Variants in TTC27 observed in about 807,000 individuals in gnomAD.
TTC27 encodes tetratricopeptide repeat domain 27, also known as tetratricopeptide repeat protein 27.
TTC27 carries 79 observed loss-of-function variants against 115.9 expected under a neutral mutation model. The observed-to-expected ratio is 0.68, with a 90% CI of 0.57 to 0.82. TTC27 has a LOEUF of 0.82. Ranked by LOEUF, TTC27 falls within the 40% of genes least tolerant of loss-of-function variation. The probability of loss-of-function intolerance (pLI) is 0.00; values close to 1 mark genes in which losing one functional copy is unlikely to be tolerated. For missense variants in TTC27, 1,054 were observed against 993.1 expected (o/e 1.06, Z -0.82); for synonymous variants, 401 against 356.0 (o/e 1.13, Z -1.42).
In TTC27 at chr2:32,811,183, G is replaced by A; in HGVS notation, c.2158G>A (p.Gly720Arg). Residue 720 changes from glycine (G) to arginine (R), a missense_variant, in exon 17 of 20, where the codon GGA (glycine) becomes AGA (arginine). Transcript: ENST00000317907. ...EIWRLYAHVY[G>R]NGQSEKPDEN... ...CTGGAGGCTGTATGCCCACGTATAT[G>A]GAAATGGGCAGAGTGAAAAGCCTGA... The A allele has an allele frequency of 6.2e-7, 1 of 1,614,116 alleles. No homozygotes were observed. Among genetic ancestry groups the A allele is most frequent in the South Asian group, 1.1e-5 (1 of 91,078 alleles).
intron 10 of TTC27, among the ~76,000 whole-genome samples, chr2:32,731,277 C>G (rs755142472): frequency 1.3e-5 from 2 of 151,686 alleles, no homozygotes; most frequent in African/African-American, 4.8e-5. Context: ...TTAGTAGACA[C>G]GGGGTTTCAC....
chr2:32,741,660 A>AAAAGC (rs1558319656), intron 12 of TTC27, among the ~76,000 whole-genome samples: 1 of 59,148 alleles, frequency 1.7e-5, no homozygotes, highest in East Asian at 7.8e-4. Flanking sequence ...AAAAAAAACA[A>AAAAGC]AAAACAAAAC....
intron 16 of TTC27, among the ~76,000 whole-genome samples, chr2:32,810,352 T>A (rs1572634156): frequency 6.6e-6 from 1 of 152,174 alleles, no homozygotes; most frequent in Non-Finnish European, 1.5e-5. Flanking sequence ...CAACGTTGTT[T>A]TCAATGTTGT....
intron 3 of TTC27, among the ~76,000 whole-genome samples, chr2:32,638,579 A>T (rs1455826712): frequency 6.6e-6 from 1 of 151,662 alleles, no homozygotes; most frequent in East Asian, 1.9e-4. Context: ...GGGTTTCACC[A>T]TGTTGGCCAG....
chr2:32,696,553 G>A (rs1666995950), intron 9 of TTC27, among the ~76,000 whole-genome samples: 2 of 151,788 alleles, frequency 1.3e-5, no homozygotes, highest in Admixed American at 1.3e-4. Flanking sequence ...CTCGGCCTCC[G>A]AAAGTACTAG....
intron 10 of TTC27, among the ~76,000 whole-genome samples, chr2:32,729,040 A>G (rs1242951878): frequency 1.3e-5 from 2 of 152,130 alleles, no homozygotes; most frequent in African/African-American, 4.8e-5. Context: ...TTGCACAGCA[A>G]AGCCAGCATA....
intron 3 of TTC27, among the ~76,000 whole-genome samples, chr2:32,636,756 T>TA (rs1265500450): frequency 1.3e-5 from 2 of 152,112 alleles, no homozygotes; most frequent in Non-Finnish European, 2.9e-5. Context: ...CCATAAGAAA[T>TA]ATTGCCATTA....
Position 32,820,903 on chromosome 2 carries a change from C to G in TTC27, c.2497C>G (p.Gln833Glu). ...TAMDTLVTEL[Q>E]DLSNQFRNQY ...TATGGACACCTTAGTGACAGAGCTCCAAGACCTAAGCAACCAGTTTCGAAA... is the reference window on the plus strand; with the variant it reads ...TATGGACACCTTAGTGACAGAGCTCGAAGACCTAAGCAACCAGTTTCGAAA... The change falls in exon 20 of 20, where the codon CAA becomes GAA. Residue 833 changes from glutamine to glutamate, a missense_variant. Gln to Glu is a conservative substitution (Grantham distance 29). Transcript: ENST00000317907. The G allele has an allele frequency of 6.5e-7, 1 of 1,530,108 alleles. No homozygotes were observed. Among genetic ancestry groups the G allele is most frequent in the Non-Finnish European group, 8.8e-7 (1 of 1,133,434 alleles). 94.8% of individuals were successfully genotyped at this position (1,530,108 alleles called of 1,614,324 possible).
chr2:32,644,009 C>T (rs910793434), intron 4 of TTC27, among the ~76,000 whole-genome samples: 5 of 151,828 alleles, frequency 3.3e-5, no homozygotes, highest in South Asian at 2.1e-4. Context: ...AGTGAAACCC[C>T]GTTTCTATTA....
chr2:32,736,097 C>T (rs1476782504), intron 11 of TTC27, among the ~76,000 whole-genome samples: 1 of 152,064 alleles, frequency 6.6e-6, no homozygotes, highest in Non-Finnish European at 1.5e-5. Context: ...GGTGTTAACA[C>T]TTATAAACCA....
chr2:32,780,437 A>G (rs1670136179), intron 14 of TTC27, among the ~76,000 whole-genome samples: 1 of 151,670 alleles, frequency 6.6e-6, no homozygotes, highest in Non-Finnish European at 1.5e-5. Context: ...TTATTTTCTT[A>G]ATTTTATTTT....
chr2:32,799,555 A>T (rs764239856), intron 16 of TTC27, among the ~76,000 whole-genome samples: 2 of 152,222 alleles, frequency 1.3e-5, no homozygotes, highest in East Asian at 1.9e-4. Flanking sequence ...GGAATAGGGA[A>T]TGGAAGTAGA....
chr2:32,642,204 G>T (rs1365709615), intron 4 of TTC27, among the ~76,000 whole-genome samples: 1 of 150,268 alleles, frequency 6.7e-6, no homozygotes, highest in Non-Finnish European at 1.5e-5. Flanking sequence ...GGTCTGTGCT[G>T]TGTAAGGGCT....
intron 16 of TTC27, among the ~76,000 whole-genome samples, chr2:32,794,927 T>G (rs990351021): frequency 1.3e-5 from 2 of 151,994 alleles, no homozygotes; most frequent in South Asian, 4.1e-4. Flanking sequence ...AACTAGTAAG[T>G]AGATAGAATC....
intron 13 of TTC27, among the ~76,000 whole-genome samples, chr2:32,761,824 C>T (rs1294837991): frequency 6.6e-6 from 1 of 152,108 alleles, no homozygotes; most frequent in Admixed American, 6.5e-5. Context: ...GTTTTGTCTT[C>T]ACTAGAATGT....
intron 6 of TTC27, 42 bp from the exon 7 acceptor site, chr2:32,666,593 C>T (rs943887842): frequency 6.2e-7 from 1 of 1,605,594 alleles, no homozygotes; most frequent in Admixed American, 1.7e-5. Context: ...TACAGTAGAT[C>T]TCATGGGTAA....
At chr2:32,816,413 T>A (rs1671503479) in intron 18 of TTC27, among the ~76,000 whole-genome samples, 1 of 151,982 alleles carries the variant, frequency 6.6e-6, no homozygotes, top group Non-Finnish European at 1.5e-5. Context: ...TTTAAAGGAG[T>A]ATCTGATTAT....
Position 32,758,360 on chromosome 2 carries a change from T to C in TTC27, c.1521T>C (p.Asp507=), listed in dbSNP as rs750002526. 1 of 1,614,092 alleles carries C rather than the reference T, an allele frequency of 6.2e-7. No homozygotes were observed. Among genetic ancestry groups the C allele is most frequent in the Non-Finnish European group, 8.5e-7 (1 of 1,180,044 alleles). ...ETPSLYCLLG[D]VLGDHSCYDK... ...CTAGTTTATACTGCTTGCTTGGAGA[T>C]GTCCTCGGAGACCATTCTTGCTATG... is the stretch of plus-strand genomic sequence containing the variant. Residue 507 remains aspartate (D), a synonymous_variant, in exon 13 of 20, where the codon GAT becomes GAC. Coordinates refer to ENST00000317907, the MANE Select transcript of TTC27 (RefSeq NM_017735.5).
At chr2:32,813,709 G>A (rs1483209070) in intron 18 of TTC27, among the ~76,000 whole-genome samples, 3 of 152,146 alleles carry the variant, frequency 2.0e-5, no homozygotes, top group Non-Finnish European at 4.4e-5. Flanking sequence ...TGCTTATAAA[G>A]AAGTCACAGA....
Sources: gnomAD v4.1 joint callset for allele counts (sites outside exome capture counted in the v4.1 genomes callset) on GRCh38, gnomAD v4.1.1 for gene constraint, MANE v1.5 for transcripts, NCBI Gene and HGNC (gene_info 2026-07-23, HGNC 2026-07-21) for gene names.